ZNF385D: variants seen among roughly 807,000 people sequenced by gnomAD.
ZNF385D encodes zinc finger protein 659.
Under a neutral mutation model 35.8 loss-of-function variants are expected in ZNF385D, and 15 were observed. That is an observed-to-expected ratio of 0.42 (90% CI 0.28 to 0.64). The LOEUF is 0.64. Among genes scored for constraint, ZNF385D ranks in the 30% least tolerant of loss-of-function variants. The pLI, the probability that ZNF385D is intolerant of heterozygous loss-of-function variation, is 0.23. For missense variants in ZNF385D, 474 were observed against 494.6 expected, an observed-to-expected ratio of 0.96 and a Z score of 0.39; for synonymous variants, 212 against 186.8, an observed-to-expected ratio of 1.13 and a Z score of -1.10.
At chr3:21,816,955 A>C (rs941138206) in intron 3 of ZNF385D, among the ~76,000 whole-genome samples, 7 of 152,174 alleles carry the variant, frequency 4.6e-5, no homozygotes, top group African/African-American at 1.7e-4. Context: ...TACAGTAACC[A>C]AAACAGCATG....
intron 3 of ZNF385D, among the ~76,000 whole-genome samples, chr3:22,159,581 C>A (rs1705812465): frequency 6.6e-6 from 1 of 151,974 alleles, no homozygotes; most frequent in South Asian, 2.1e-4. Flanking sequence ...ATATTAAGTC[C>A]AGGTAAAACA....
At chr3:21,884,644 A>T (rs1015608640) in intron 3 of ZNF385D, among the ~76,000 whole-genome samples, 3 of 152,010 alleles carry the variant, frequency 2.0e-5, no homozygotes, top group Non-Finnish European at 4.4e-5. Context: ...TTCTTATTTT[A>T]CTACATTTTA....
chr3:22,346,018 G>C (rs1259080500), intron 2 of ZNF385D, among the ~76,000 whole-genome samples: 2 of 152,066 alleles, frequency 1.3e-5, no homozygotes, highest in South Asian at 4.1e-4. Flanking sequence ...ATCCCAAAAA[G>C]AACTCCTTGC....
chr3:21,845,960 T>C (rs1321015879), intron 3 of ZNF385D, among the ~76,000 whole-genome samples: 1 of 152,008 alleles, frequency 6.6e-6, no homozygotes, highest in East Asian at 1.9e-4. Flanking sequence ...TTACACAATA[T>C]GTAAAGTACT....
chr3:22,352,835 T>G (rs116229265), intron 2 of ZNF385D, among the ~76,000 whole-genome samples: 403 of 152,272 alleles, frequency 2.6e-3, no homozygotes, highest in African/African-American at 8.6e-3. Context: ...CCTATCACAT[T>G]TTAGTCTAAT....
chr3:21,449,225 C>T (rs1193561119), intron 4 of ZNF385D, among the ~76,000 whole-genome samples: 1 of 151,654 alleles, frequency 6.6e-6, no homozygotes, highest in Non-Finnish European at 1.5e-5. Flanking sequence ...ATCTCTGAAA[C>T]CATCTATACT....
At chr3:21,876,689 T>C (rs977480664) in intron 3 of ZNF385D, among the ~76,000 whole-genome samples, 27 of 150,668 alleles carry the variant, frequency 1.8e-4, no homozygotes, top group Non-Finnish European at 2.1e-4. Context: ...AGTTTTCTTA[T>C]ATTTTTGATT....
chr3:21,423,326 A>G (rs1443306713), intron 7 of ZNF385D, among the ~76,000 whole-genome samples: 3 of 152,190 alleles, frequency 2.0e-5, no homozygotes, highest in African/African-American at 7.2e-5. Flanking sequence ...AATGTTTCAA[A>G]ATGCACAATT....
chr3:21,617,523 CACTTCATCCTCGGA>C (rs1285476339), intron 2 of ZNF385D, among the ~76,000 whole-genome samples: 1 of 152,146 alleles, frequency 6.6e-6, no homozygotes, highest in Non-Finnish European at 1.5e-5. Flanking sequence ...TATGTTAGTT[CACTTCATCCTCGGA>C]ACAACCCCAC....
intron 3 of ZNF385D, among the ~76,000 whole-genome samples, chr3:22,072,972 T>C (rs1700299195): frequency 1.3e-5 from 2 of 151,946 alleles, no homozygotes; most frequent in Admixed American, 6.6e-5. Context: ...CTTGACTGGA[T>C]TGCCTCTCAG....
chr3:21,605,958 G>T (rs907639247), intron 2 of ZNF385D, among the ~76,000 whole-genome samples: 4 of 151,400 alleles, frequency 2.6e-5, no homozygotes, highest in Admixed American at 2.6e-4. Context: ...ATCTTAAAAC[G>T]TGCAGACTGT....
intron 2 of ZNF385D, among the ~76,000 whole-genome samples, chr3:21,568,170 A>G (rs1357522584): frequency 1.5e-5 from 2 of 134,652 alleles, no homozygotes; most frequent in Non-Finnish European, 3.1e-5. Context: ...AAATGTTTTA[A>G]TATCTTTATT....
chr3:21,921,174 G>T (rs1422113614), intron 3 of ZNF385D, among the ~76,000 whole-genome samples: 1 of 136,730 alleles, frequency 7.3e-6, no homozygotes, highest in East Asian at 2.3e-4. Context: ...AGTGAGCCGA[G>T]ATCGCGCCAC....
At chr3:22,248,036 C>G (rs947760757) in intron 2 of ZNF385D, among the ~76,000 whole-genome samples, 1 of 152,118 alleles carries the variant, frequency 6.6e-6, no homozygotes, top group African/African-American at 2.4e-5. Context: ...TTTAAGTCAA[C>G]AAAACAATGA....
At chr3:21,460,603 C>G (rs17201327) in intron 4 of ZNF385D, among the ~76,000 whole-genome samples, 40,118 of 151,960 alleles carry the variant, frequency 0.26, 6,019 homozygotes, top group Middle Eastern at 0.42. Context: ...AATGGGTTCT[C>G]TAATGAACAC....
intron 3 of ZNF385D, among the ~76,000 whole-genome samples, chr3:21,513,841 G>A (rs756895043): frequency 3.9e-5 from 6 of 151,918 alleles, no homozygotes; most frequent in African/African-American, 7.3e-5. Flanking sequence ...CTATAGTGAC[G>A]CCATAACTCT....
chr3:21,926,829 A>T (rs1466719395), intron 3 of ZNF385D, among the ~76,000 whole-genome samples: 2 of 152,220 alleles, frequency 1.3e-5, no homozygotes, highest in East Asian at 3.9e-4. Context: ...GAACTTCTGC[A>T]CAGCAAAAGA....
chr3:21,600,203 T>A (rs2064243070), intron 2 of ZNF385D, among the ~76,000 whole-genome samples: 1 of 152,320 alleles, frequency 6.6e-6, no homozygotes, highest in African/African-American at 2.4e-5. Flanking sequence ...CCAGCAGCCC[T>A]CAGGGCAGCT....
At chr3:21,482,859 T>C (rs1305161848) in intron 4 of ZNF385D, among the ~76,000 whole-genome samples, 2 of 152,112 alleles carry the variant, frequency 1.3e-5, no homozygotes, top group African/African-American at 2.4e-5. Context: ...TAGATCCACA[T>C]AGAAGTTGCA....
Sources: gnomAD v4.1 joint callset for allele counts (sites outside exome capture counted in the v4.1 genomes callset) on GRCh38, gnomAD v4.1.1 for gene constraint, MANE v1.5 for transcripts, NCBI Gene and HGNC (gene_info 2026-07-23, HGNC 2026-07-21) for gene names.